Variants in TMPRSS15 observed in about 807,000 individuals in gnomAD.
TMPRSS15 encodes the protein enteropeptidase.
A neutral mutation model predicts 125.3 loss-of-function variants in TMPRSS15; 128 were observed. That is an observed-to-expected ratio of 1.02 (90% CI 0.89 to 1.18). TMPRSS15 has a LOEUF of 1.18. Among genes scored for constraint, TMPRSS15 ranks in the 50% most tolerant of loss-of-function variants. The pLI, the probability that TMPRSS15 is intolerant of heterozygous loss-of-function variation, is 0.00. For synonymous variants in TMPRSS15, 446 were observed against 423.2 expected (o/e 1.05, Z -0.66); for missense variants, 1,283 against 1,212.7 (o/e 1.06, Z -0.86).
At chr21:18,441,660 A>ACAT (rs1369343573) in intron 1 of TMPRSS15, among the ~76,000 whole-genome samples, 3 of 129,002 alleles carry the variant, frequency 2.3e-5, no homozygotes, top group Admixed American at 8.3e-5. Flanking sequence ...ACTTTAGGAC[A>ACAT]CATTATTATT....
chr21:18,275,192 T>G lies in TMPRSS15; in HGVS notation c.2904+5A>C. ...AAGGTACAGTGAGCAGTTTTACATCTTTACCTGACAAGAATCTATTCCTCC... is the reference window on the plus strand; with the variant it reads ...AAGGTACAGTGAGCAGTTTTACATCGTTACCTGACAAGAATCTATTCCTCC... On this transcript the variant is annotated splice_donor_5th_base_variant and intron_variant, in intron 24 of 24. Coordinates refer to ENST00000284885, the MANE Select transcript of TMPRSS15 (RefSeq NM_002772.3). 6.2e-7 allele frequency: 1 copy of G among 1,613,760 alleles called. No homozygotes were observed. The highest frequency in any genetic ancestry group is 1.1e-5 in the South Asian group (1 of 91,072).
chr21:18,397,797 A>G (rs1338779884), intron 3 of TMPRSS15, 82 bp downstream of exon 3: 10 of 756,894 alleles, frequency 1.3e-5, no homozygotes, highest in Admixed American at 1.1e-4. Flanking sequence ...CTCTTTTCCT[A>G]TATATAGTGA....
chr21:18,442,387 G>C lies in TMPRSS15; in HGVS notation c.10+43412C>G, dbSNP rs537456785. ...ACCACATTGCTATTTGTGTAAACCA[G>C]ACAAATGTTTTCTGTACTTTTTTCT... On this transcript the variant is annotated intron_variant, in intron 1 of 7. Transcript: ENST00000422787. Among the ~76,000 whole-genome samples, 3 of 152,246 alleles carry C rather than the reference G, an allele frequency of 2.0e-5. No individual in the cohort carries two copies. In the East Asian group the frequency reaches 5.8e-4, roughly 29 times the overall value.
At chr21:18,465,158 A>C (rs2123277695) in intron 1 of TMPRSS15, among the ~76,000 whole-genome samples, 1 of 152,280 alleles carries the variant, frequency 6.6e-6, no homozygotes, top group South Asian at 2.1e-4. Context: ...AATGACAAAA[A>C]CCACATGATT....
intron 12 of TMPRSS15, among the ~76,000 whole-genome samples, chr21:18,341,923 C>A (rs2075450527): frequency 6.6e-6 from 1 of 152,182 alleles, no homozygotes; most frequent in South Asian, 2.1e-4. Context: ...CAAATTTCTT[C>A]TTTCAGCAAT....
At chr21:18,397,503 A>G (rs970436122) in intron 3 of TMPRSS15, among the ~76,000 whole-genome samples, 1 of 152,126 alleles carries the variant, frequency 6.6e-6, no homozygotes, top group South Asian at 2.1e-4. Flanking sequence ...CACAGTGGAC[A>G]AGTACCTTCT....
chr21:18,286,323 A>G (rs1761298846), intron 21 of TMPRSS15, among the ~76,000 whole-genome samples: 1 of 152,176 alleles, frequency 6.6e-6, no homozygotes, highest in Non-Finnish European at 1.5e-5. Flanking sequence ...TATTTTAAAT[A>G]CCTACAATAT....
chr21:18,349,458 C>G (rs148661517), intron 10 of TMPRSS15, among the ~76,000 whole-genome samples: 1 of 152,276 alleles, frequency 6.6e-6, no homozygotes, highest in African/African-American at 2.4e-5. Flanking sequence ...CAAAGTTTAT[C>G]TGTTTCATTT....
intron 1 of TMPRSS15, among the ~76,000 whole-genome samples, chr21:18,456,518 A>G (rs1978444209): frequency 6.6e-6 from 1 of 152,080 alleles, no homozygotes; most frequent in African/African-American, 2.4e-5. Context: ...GGAATTTGAG[A>G]CTAGACCTGA....
In TMPRSS15 at chr21:18,350,594, A is replaced by G. The variant is rs115809112; in HGVS notation, c.1171+2309T>C. Among the ~76,000 whole-genome samples, 1,441 of 152,090 alleles carry G rather than the reference A, an allele frequency of 9.5e-3. 17 individuals are homozygous for G. Among genetic ancestry groups the G allele is most frequent in the African/African-American group, 0.033 (1,382 of 41,478 alleles). ...GTGGCTAATTCTTTCAATTCCTTAC[A>G]GTTTTGATTCAAATGTCACTTTTTC... On this transcript the variant is annotated intron_variant, in intron 10 of 24. Transcript: ENST00000284885.
At chr21:18,420,003 T>A (rs184545582) in intron 1 of TMPRSS15, among the ~76,000 whole-genome samples, 2 of 152,242 alleles carry the variant, frequency 1.3e-5, no homozygotes, top group South Asian at 2.1e-4. Flanking sequence ...TGTTTGCTAC[T>A]GGGACCTGAA....
intron 13 of TMPRSS15, among the ~76,000 whole-genome samples, 156 bp downstream of exon 13, chr21:18,341,257 G>T (rs547949643): frequency 6.6e-6 from 1 of 152,214 alleles, no homozygotes; most frequent in South Asian, 2.1e-4. Flanking sequence ...GTTTTGTAGA[G>T]ACAGAGTCTC....
intron 1 of TMPRSS15, among the ~76,000 whole-genome samples, chr21:18,455,106 T>C (rs1569072299): frequency 6.6e-6 from 1 of 152,058 alleles, no homozygotes; most frequent in Non-Finnish European, 1.5e-5. Context: ...AAGGGTTTTT[T>C]TCCTTCCTTC....
At chr21:18,354,983 G>A (rs1177821536) in intron 8 of TMPRSS15, among the ~76,000 whole-genome samples, 1 of 151,728 alleles carries the variant, frequency 6.6e-6, no homozygotes, top group East Asian at 1.9e-4. Context: ...ACATACAATG[G>A]AATTTCAACA....
intron 10 of TMPRSS15, among the ~76,000 whole-genome samples, chr21:18,349,565 C>A (rs564490135): frequency 3.8e-4 from 58 of 152,166 alleles, no homozygotes; most frequent in Non-Finnish European, 6.8e-4. Context: ...ATATTTAATT[C>A]TCTTTCATTT....
intron 1 of TMPRSS15, among the ~76,000 whole-genome samples, chr21:18,437,313 C>A (rs557999871): frequency 0.021 from 3,227 of 152,082 alleles, 55 homozygotes; most frequent in Middle Eastern, 0.051. Context: ...ACATCTTATA[C>A]AAAAATTAAT....
chr21:18,402,035 T>C (rs1287282724), intron 1 of TMPRSS15, among the ~76,000 whole-genome samples: 1 of 152,194 alleles, frequency 6.6e-6, no homozygotes, highest in African/African-American at 2.4e-5. Flanking sequence ...TAGTACTTTG[T>C]ATAATTTTAT....
intron 1 of TMPRSS15, among the ~76,000 whole-genome samples, chr21:18,480,372 C>T (rs991963433): frequency 1.3e-5 from 2 of 152,014 alleles, no homozygotes; most frequent in African/African-American, 2.4e-5. Flanking sequence ...GACTCTCTTA[C>T]AATATAGTCT....
chr21:18,427,285 T>A (rs558657082), intron 1 of TMPRSS15, among the ~76,000 whole-genome samples: 1 of 152,204 alleles, frequency 6.6e-6, no homozygotes, highest in Admixed American at 6.5e-5. Flanking sequence ...TTTTATCAGA[T>A]TGTGAAAGTG....
Sources: gnomAD v4.1 joint callset for allele counts (sites outside exome capture counted in the v4.1 genomes callset) on GRCh38, gnomAD v4.1.1 for gene constraint, MANE v1.5 for transcripts, NCBI Gene and HGNC (gene_info 2026-07-23, HGNC 2026-07-21) for gene names.